Variants in MIDEAS observed in about 807,000 individuals in gnomAD.
MIDEAS encodes mitotic deacetylase-associated SANT domain protein.
In MIDEAS, 26 loss-of-function variants were observed where a neutral mutation model predicts 102.7. The ratio of observed to expected loss-of-function variants is 0.25; its 90% CI spans 0.19 to 0.35. The LOEUF is 0.35. MIDEAS is among the 10% of genes least tolerant of loss of function. The pLI, the probability that MIDEAS is intolerant of heterozygous loss-of-function variation, is 1.00. For synonymous variants in MIDEAS, 585 were observed against 591.0 expected (o/e 0.99, Z 0.15); for missense variants, 1,231 against 1,435.6 (o/e 0.86, Z 2.30).
Position 73,718,759 on chromosome 14 carries a change from CTT to C in MIDEAS, c.*82_*83del. ...CCCTGCAATCCTCTCCTCACTCCCT[CTT>C]GAGATGCCAGGGTGTCTGCGGGCGC... On this transcript the variant is annotated 3_prime_UTR_variant, in exon 13 of 13. Transcript: ENST00000423556. 30 of 1,299,594 alleles carry C rather than the reference CTT, an allele frequency of 2.3e-5. No individual in the cohort carries two copies. Among genetic ancestry groups the C allele is most frequent in the Non-Finnish European group, 3.0e-5 (30 of 1,014,860 alleles). 80.5% of individuals were successfully genotyped at this position (1,299,594 alleles called of 1,614,324 possible).
upstream of MIDEAS, among the ~76,000 whole-genome samples, chr14:73,788,178 G>A (rs1387621616): frequency 6.6e-6 from 1 of 150,666 alleles, no homozygotes; most frequent in Non-Finnish European, 1.5e-5. Flanking sequence ...AAAGACATTC[G>A]AAACTGCAGT....
In MIDEAS at chr14:73,740,090, G is replaced by C; in HGVS notation, c.-82C>G. 2 of 1,406,916 alleles carry C rather than the reference G, an allele frequency of 1.4e-6. No individual in the cohort carries two copies. Among genetic ancestry groups the C allele is most frequent in the Non-Finnish European group, 1.8e-6 (2 of 1,081,160 alleles). 87.2% of individuals were successfully genotyped at this position (1,406,916 alleles called of 1,614,324 possible). ...GGGGAAACGTCCTGCTGGAAGCCGG[G>C]CTCTAGTCCAGGAGCCAGGGAGGGC... is the stretch of plus-strand genomic sequence containing the variant. On this transcript the variant is annotated 5_prime_UTR_variant, in exon 2 of 13. Coordinates refer to ENST00000423556, the MANE Select transcript of MIDEAS (RefSeq NM_001367710.1).
intron 1 of MIDEAS, among the ~76,000 whole-genome samples, chr14:73,754,201 T>C (rs185912892): frequency 6.6e-6 from 1 of 152,332 alleles, no homozygotes; most frequent in East Asian, 1.9e-4. Context: ...CACTCAAGTG[T>C]GCAAGCACTG....
In MIDEAS at chr14:73,742,179, G is replaced by A. The variant is rs886816457; in HGVS notation, c.-247-1924C>T. 2.0e-5 allele frequency among the ~76,000 whole-genome samples: 3 copies of A among 152,260 alleles called. No homozygotes were observed. The highest frequency in any genetic ancestry group is 4.4e-5 in the Non-Finnish European group (3 of 68,050). On this transcript the variant is annotated intron_variant, in intron 1 of 12. Coordinates refer to ENST00000423556, the MANE Select transcript of MIDEAS (RefSeq NM_001367710.1). The surrounding 1 kb of genome is among the most constrained non-coding windows in gnomAD (Gnocchi z 4.4). ...TGCGTGTCTGCAGAAGCAAGACAGAGAAAGGAAGAATGTGCGCCAGCCTGG... is the reference window on the plus strand; with the variant it reads ...TGCGTGTCTGCAGAAGCAAGACAGAAAAAGGAAGAATGTGCGCCAGCCTGG...
rs2053527619 is a variant in MIDEAS, at chr14:73,759,334, T to C, written c.-248+429A>G. On this transcript the variant is annotated intron_variant, in intron 1 of 12. Coordinates refer to ENST00000423556, the MANE Select transcript of MIDEAS (RefSeq NM_001367710.1). This position sits in a 1 kb window ranked among gnomAD's most constrained non-coding sequence, Gnocchi z 6.7. ...GCCTGGGCTCCGTCACGTCAGCCGG[T>C]CCCCACGGACACCACGTTTCTCTCC... Among the ~76,000 whole-genome samples, 1 of 151,596 alleles carries C rather than the reference T, an allele frequency of 6.6e-6. No homozygotes were observed. The highest frequency in any genetic ancestry group is 6.6e-5 in the Admixed American group (1 of 15,246).
At chr14:73,733,160 C>T (rs1458080936) in intron 3 of MIDEAS, among the ~76,000 whole-genome samples, 1 of 152,088 alleles carries the variant, frequency 6.6e-6, no homozygotes, top group African/African-American at 2.4e-5. Flanking sequence ...GCTTGGCAAA[C>T]CCCCAGGCTT....
chr14:73,770,793 C>T (rs1055159251), intron 1 of MIDEAS, among the ~76,000 whole-genome samples: 5 of 152,108 alleles, frequency 3.3e-5, no homozygotes, highest in Non-Finnish European at 5.9e-5. Context: ...AAATGTGTTT[C>T]AAGCTTCAAA....
intron 1 of MIDEAS, among the ~76,000 whole-genome samples, chr14:73,746,589 C>T (rs1216407252): frequency 6.6e-6 from 1 of 152,210 alleles, no homozygotes; most frequent in Non-Finnish European, 1.5e-5. Context: ...ATACAGCTCC[C>T]ACCACTGGAG....
intron 3 of MIDEAS, 140 bp from the exon 4 acceptor site, chr14:73,730,125 A>G (rs953218424): frequency 1.1e-6 from 1 of 886,146 alleles, no homozygotes; most frequent in Non-Finnish European, 1.8e-6. Context: ...AAAAAGGAGC[A>G]GGTCCAAAAG....
At chr14:73,721,135 G>A (rs1031090745) in intron 11 of MIDEAS, among the ~76,000 whole-genome samples, 162 bp downstream of exon 11, 1 of 152,108 alleles carries the variant, frequency 6.6e-6, no homozygotes, top group African/African-American at 2.4e-5. Context: ...AACCACATAG[G>A]GTAGTGAGGA....
At chr14:73,786,823 C>T (rs904251252) in intron 1 of MIDEAS, among the ~76,000 whole-genome samples, 12 of 152,170 alleles carry the variant, frequency 7.9e-5, no homozygotes, top group Non-Finnish European at 8.8e-5. Flanking sequence ...CGGAAAGCCC[C>T]TTCCCCCCAC....
chr14:73,741,119 C>G (rs1460315522), intron 1 of MIDEAS, among the ~76,000 whole-genome samples: 1 of 152,206 alleles, frequency 6.6e-6, no homozygotes, highest in Non-Finnish European at 1.5e-5. Flanking sequence ...CCTTCCACTG[C>G]CGAAGAGCCC....
At chr14:73,786,680 T>C (rs73297502) in intron 1 of MIDEAS, among the ~76,000 whole-genome samples, 14,442 of 152,252 alleles carry the variant, frequency 0.095, 1,965 homozygotes, top group African/African-American at 0.3. Context: ...TTAACTTCCT[T>C]CCTGCGCCCT....
intron 1 of MIDEAS, among the ~76,000 whole-genome samples, chr14:73,771,984 G>C (rs560111568): frequency 5.3e-5 from 8 of 152,328 alleles, no homozygotes; most frequent in African/African-American, 1.9e-4. Context: ...GTGAGTGGGC[G>C]GGTGGCTCAA....
intron 1 of MIDEAS, among the ~76,000 whole-genome samples, chr14:73,740,579 G>T (rs2053269966): frequency 6.6e-6 from 1 of 152,320 alleles, no homozygotes; most frequent in South Asian, 2.1e-4. Flanking sequence ...TAAGGCACAG[G>T]TGGAGCTGAC....
Position 73,725,880 on chromosome 14 carries a change from C to A in MIDEAS, c.2485+153G>T, listed in dbSNP as rs1410940883. ...GGAAACCCCTGGAGAGCTACCCCAG[C>A]TTTGGTGGCAGTTCCCTCACTCTGA... On this transcript the variant is annotated intron_variant, in intron 8 of 12. Transcript: ENST00000423556. The surrounding 1 kb of genome is among the most constrained non-coding windows in gnomAD (Gnocchi z 4.1). 2.0e-5 allele frequency among the ~76,000 whole-genome samples: 3 copies of A among 152,128 alleles called. No individual in the cohort carries two copies. Among genetic ancestry groups the A allele is most frequent in the African/African-American group, 7.2e-5 (3 of 41,402 alleles).
At chr14:73,730,985 A>G (rs1016386919) in intron 3 of MIDEAS, among the ~76,000 whole-genome samples, 1 of 152,098 alleles carries the variant, frequency 6.6e-6, no homozygotes, top group Non-Finnish European at 1.5e-5. Context: ...AAGAAAAAAA[A>G]ATGGAATGGA....
chr14:73,727,173 G>A, intron 5 of MIDEAS: 1 of 677,428 alleles, frequency 1.5e-6, no homozygotes, highest in East Asian at 2.8e-5. Context: ...GCTGGAGAGG[G>A]GAGAAGCAGC....
chr14:73,718,097 ACAGCTCCCTTCCCTG>A lies in MIDEAS; in HGVS notation c.*731_*745del, dbSNP rs1399774230. The A allele has an allele frequency of 1.3e-5, 2 of 152,562 alleles. No individual in the cohort carries two copies. Among genetic ancestry groups the A allele is most frequent in the African/African-American group, 2.4e-5 (1 of 41,478 alleles). The allele number at this position is 152,562 out of a possible 1,614,324, so 9.5% of individuals were successfully genotyped here. ...TAACCCTGCAGCTTCCAGCCTCCGT[ACAGCTCCCTTCCCTG>A]CAGCAGGATGAGTGCTTTGGACAAG... On this transcript the variant is annotated 3_prime_UTR_variant, in exon 13 of 13. Transcript: ENST00000423556.
Sources: allele counts gnomAD v4.1 joint callset (sites outside exome capture counted in the v4.1 genomes callset), GRCh38; gene constraint gnomAD v4.1.1; non-coding constraint Gnocchi (gnomAD v3.1); transcripts MANE v1.5; gene names NCBI Gene and HGNC (gene_info 2026-07-23, HGNC 2026-07-21).